Variants in DNAH14 observed in about 807,000 individuals in gnomAD.
DNAH14 encodes the protein axonemal beta dynein heavy chain 14.
In DNAH14, 478 loss-of-function variants were observed where a neutral mutation model predicts 520.9. The observed-to-expected ratio is 0.92, with a 90% CI of 0.85 to 0.99. DNAH14 has a LOEUF of 0.99. Ranked by LOEUF, DNAH14 falls within the 50% of genes least tolerant of loss-of-function variation. The probability of loss-of-function intolerance (pLI) is 0.00; values close to 1 mark genes in which losing one functional copy is unlikely to be tolerated. For synonymous variants in DNAH14, 1,581 were observed against 1,757.2 expected, an observed-to-expected ratio of 0.90 and a Z score of 2.51; for missense variants, 4,831 against 5,234.5, an observed-to-expected ratio of 0.92 and a Z score of 2.38.
intron 15 of DNAH14, among the ~76,000 whole-genome samples, chr1:225,046,101 A>T (rs1347636552): frequency 1.3e-5 from 2 of 151,430 alleles, no homozygotes; most frequent in Non-Finnish European, 2.9e-5. Flanking sequence ...TTGCATATAT[A>T]TGATAATATG....
At chr1:225,220,025 T>A (rs952878188) in intron 41 of DNAH14, among the ~76,000 whole-genome samples, 5 of 152,172 alleles carry the variant, frequency 3.3e-5, no homozygotes, top group Admixed American at 2.6e-4. Flanking sequence ...ATAAACATAA[T>A]ACATCACATA....
rs954752700 is a variant in DNAH14 at position 225,243,596 on chromosome 1, A to G, written c.6748+2774A>G. Among the ~76,000 whole-genome samples, 12 of 152,200 alleles carry G rather than the reference A, an allele frequency of 7.9e-5. No homozygotes were observed. In the East Asian group the frequency reaches 2.3e-3, roughly 29 times the overall value. ...GAATGGCATCCATTTTTAATAAATG[A>G]TGAATTACGGAACAACATGTAGAAA... is the stretch of plus-strand genomic sequence containing the variant. On this transcript the variant is annotated intron_variant, in intron 43 of 85. Coordinates refer to ENST00000682510, the MANE Select transcript of DNAH14 (RefSeq NM_001367479.1).
chr1:225,226,673 A>G (rs2090566628), intron 41 of DNAH14, among the ~76,000 whole-genome samples: 1 of 152,192 alleles, frequency 6.6e-6, no homozygotes, highest in Non-Finnish European at 1.5e-5. Flanking sequence ...GAGAAAAGAA[A>G]TAAGACAGAG....
intron 60 of DNAH14, among the ~76,000 whole-genome samples, chr1:225,308,886 T>A (rs1223277208): frequency 6.6e-6 from 1 of 152,232 alleles, no homozygotes; most frequent in Non-Finnish European, 1.5e-5. Flanking sequence ...CATGCTCAAC[T>A]CTGGTCTGAT....
chr1:225,074,645 G>A (rs1395606204), intron 17 of DNAH14, among the ~76,000 whole-genome samples: 1 of 152,154 alleles, frequency 6.6e-6, no homozygotes, highest in Non-Finnish European at 1.5e-5. Context: ...TGGAGGTCTT[G>A]CCAAATGAGG....
intron 41 of DNAH14, among the ~76,000 whole-genome samples, chr1:225,209,680 AT>A (rs752282547): frequency 6.6e-6 from 1 of 152,164 alleles, no homozygotes; most frequent in Non-Finnish European, 1.5e-5. Context: ...ATGAAGTAGT[AT>A]TTTTAAAGTG....
intron 31 of DNAH14, among the ~76,000 whole-genome samples, chr1:225,150,529 G>T (rs1559110825): frequency 6.6e-6 from 1 of 151,958 alleles, no homozygotes; most frequent in Non-Finnish European, 1.5e-5. Context: ...TTCGATCCTG[G>T]GCCTTTTTTG....
intron 17 of DNAH14, among the ~76,000 whole-genome samples, chr1:225,065,435 A>C (rs77476750): frequency 0.055 from 8,290 of 151,132 alleles, 470 homozygotes; most frequent in East Asian, 0.24. Flanking sequence ...TGTGCAATGC[A>C]TCTCAAAAAA....
intron 42 of DNAH14, among the ~76,000 whole-genome samples, chr1:225,239,499 G>T (rs1304727744): frequency 6.6e-6 from 1 of 152,158 alleles, no homozygotes; most frequent in Non-Finnish European, 1.5e-5. Flanking sequence ...TTCTCCATGG[G>T]TCGAGTTGTT....
At chr1:225,272,198 CA>C (rs1485370110) in intron 51 of DNAH14, 125 bp downstream of exon 51, 2 of 897,334 alleles carry the variant, frequency 2.2e-6, no homozygotes, top group Non-Finnish European at 3.3e-6. Context: ...TTGCTATTAG[CA>C]GCTTATCTCA....
chr1:225,357,324 AAAAT>A (rs1475655765), intron 73 of DNAH14, among the ~76,000 whole-genome samples: 1 of 152,206 alleles, frequency 6.6e-6, no homozygotes, highest in African/African-American at 2.4e-5. Context: ...CTAAAAAAAA[AAAAT>A]AGTCCTCAAG....
chr1:225,018,308 G>A (rs188226064), intron 10 of DNAH14, among the ~76,000 whole-genome samples: 1 of 152,266 alleles, frequency 6.6e-6, no homozygotes, highest in East Asian at 1.9e-4. Flanking sequence ...CTCAGAGCTG[G>A]AAGATTGCTC....
Position 225,335,546 on chromosome 1 carries a change from T to C in DNAH14, c.10081-1720T>C, listed in dbSNP as rs1343493089. On this transcript the variant is annotated intron_variant, in intron 66 of 85. Coordinates refer to ENST00000682510, the MANE Select transcript of DNAH14 (RefSeq NM_001367479.1). Reference sequence around the variant, plus strand: ...ATATATACATATGTACATATATACGTATATACATATGTACATCTATGTATA... The same window carrying C: ...ATATATACATATGTACATATATACGCATATACATATGTACATCTATGTATA... 7.3e-5 allele frequency among the ~76,000 whole-genome samples: 3 copies of C among 41,254 alleles called. 1 individual carries two copies. In the South Asian group the frequency reaches 2.7e-3, roughly 37 times the overall value. 27.1% of individuals were successfully genotyped at this position (41,254 alleles called of 152,430 possible).
chr1:225,388,310 G>A, intron 81 of DNAH14, 69 bp from the exon 82 acceptor site: 1 of 889,700 alleles, frequency 1.1e-6, no homozygotes, highest in South Asian at 1.8e-5. Context: ...ACCAAGGTTT[G>A]CAGAAATGTT....
At chr1:225,097,977 G>C (rs1443446722) in intron 22 of DNAH14, among the ~76,000 whole-genome samples, 2 of 152,110 alleles carry the variant, frequency 1.3e-5, no homozygotes, top group Admixed American at 6.6e-5. Context: ...GATCACCTGA[G>C]CACAGGAGTT....
rs761635864 is a variant in DNAH14 at position 224,952,678 on chromosome 1, T to A, written c.-25T>A. The A allele has an allele frequency of 6.5e-7, 1 of 1,530,768 alleles. No individual in the cohort carries two copies. The highest frequency in any genetic ancestry group is 1.3e-5 in the South Asian group (1 of 78,716). The allele number at this position is 1,530,768 out of a possible 1,614,324, so 94.8% of individuals were successfully genotyped here. Reference sequence around the variant, plus strand: ...TGTGAATTTTGTTACAGCCAGTTCCTTTATAGTTTTGTTCAGAAAAACATA... The same window carrying A: ...TGTGAATTTTGTTACAGCCAGTTCCATTATAGTTTTGTTCAGAAAAACATA... On this transcript the variant is annotated 5_prime_UTR_variant, in exon 2 of 86. Transcript: ENST00000682510.
At chr1:225,115,158 A>G (rs893715461) in intron 23 of DNAH14, among the ~76,000 whole-genome samples, 1 of 152,132 alleles carries the variant, frequency 6.6e-6, no homozygotes, top group African/African-American at 2.4e-5. Context: ...TTCCCTAACA[A>G]TGGAGTCTCT....
intron 27 of DNAH14, among the ~76,000 whole-genome samples, chr1:225,134,149 T>C (rs1455904552): frequency 1.3e-5 from 2 of 152,194 alleles, no homozygotes; most frequent in African/African-American, 4.8e-5. Context: ...GTTTTCTAGA[T>C]AGAGGATCAT....
rs1574924837 is a variant in DNAH14, at chr1:225,342,910, G to A, written c.10678+2209G>A. The stretch of plus-strand genomic sequence containing the variant: ...CCCTCCTCTTGGCCGGCGCTCACAG[G>A]TGCTACTAGGTGGTAGCCCATTCCT... On this transcript the variant is annotated intron_variant, in intron 69 of 85. Coordinates refer to ENST00000682510, the MANE Select transcript of DNAH14 (RefSeq NM_001367479.1). 2.0e-5 allele frequency among the ~76,000 whole-genome samples: 3 copies of A among 151,124 alleles called. No homozygotes were observed. In the South Asian group the frequency reaches 6.4e-4, roughly 32 times the overall value.
Sources: allele counts gnomAD v4.1 joint callset (sites outside exome capture counted in the v4.1 genomes callset), GRCh38; gene constraint gnomAD v4.1.1; transcripts MANE v1.5; gene names NCBI Gene and HGNC (gene_info 2026-07-23, HGNC 2026-07-21).